The following ANAPC10 variants were observed in gnomAD, a reference collection of about 807,000 sequenced individuals.
ANAPC10 encodes the protein anaphase promoting complex subunit 10, also known as anaphase-promoting complex subunit 10.
ANAPC10 carries 12 observed loss-of-function variants against 22.0 expected under a neutral mutation model. The ratio of observed to expected loss-of-function variants is 0.55; its 90% CI spans 0.35 to 0.88. The LOEUF (loss-of-function observed/expected upper bound fraction) is 0.88, where lower values mean the gene tolerates loss of function less well. Among genes scored for constraint, ANAPC10 ranks in the 40% least tolerant of loss-of-function variants. The pLI, the probability that ANAPC10 is intolerant of heterozygous loss-of-function variation, is 0.01. For missense variants in ANAPC10, 188 were observed against 220.9 expected (o/e 0.85, Z 0.94); for synonymous variants, 65 against 69.5 (o/e 0.94, Z 0.32).
At chr4:145,038,404 T>C (rs1738948676) in intron 4 of ANAPC10, among the ~76,000 whole-genome samples, 1 of 152,124 alleles carries the variant, frequency 6.6e-6, no homozygotes, top group Admixed American at 6.5e-5. Flanking sequence ...TCCCAGCTAC[T>C]GGGGAGACTG....
chr4:145,022,870 T>G (rs1447849929), intron 4 of ANAPC10, among the ~76,000 whole-genome samples: 1 of 152,012 alleles, frequency 6.6e-6, no homozygotes, highest in Non-Finnish European at 1.5e-5. Flanking sequence ...AGTCATTCTT[T>G]TATGTATTTT....
intron 4 of ANAPC10, among the ~76,000 whole-genome samples, chr4:145,058,701 A>C (rs1395877091): frequency 6.6e-6 from 1 of 152,288 alleles, no homozygotes; most frequent in East Asian, 1.9e-4. Context: ...TAAGTTTCTA[A>C]AAAATATAGA....
At chr4:145,050,294 T>C (rs753849810) in intron 4 of ANAPC10, among the ~76,000 whole-genome samples, 1 of 152,240 alleles carries the variant, frequency 6.6e-6, no homozygotes, top group Non-Finnish European at 1.5e-5. Flanking sequence ...CTCTGAGCAG[T>C]AGGTCTTTAC....
At chr4:145,046,248 T>C (rs766168740) in intron 4 of ANAPC10, among the ~76,000 whole-genome samples, 9 of 152,120 alleles carry the variant, frequency 5.9e-5, no homozygotes, top group African/African-American at 7.2e-5. Flanking sequence ...TTAAGATGTA[T>C]ATAAATAACT....
intron 4 of ANAPC10, among the ~76,000 whole-genome samples, chr4:145,039,010 CAAAAAAAAAAAAAAAAAAAAA>C (rs58285791): frequency 1.6e-4 from 1 of 6,200 alleles, no homozygotes; most frequent in African/African-American, 1.4e-3. Flanking sequence ...AACAATGTCT[CAAAAAAAAAAAAAAAAAAAAA>C]AAAAAAAAAG....
chr4:145,025,332 GCCC>G (rs36048867), intron 4 of ANAPC10, among the ~76,000 whole-genome samples: 7 of 141,814 alleles, frequency 4.9e-5, no homozygotes, highest in African/African-American at 1.8e-4. Context: ...CTTTCAACAC[GCCC>G]CCCCCCCCTT....
At chr4:145,045,170 A>C (rs966735570) in intron 4 of ANAPC10, among the ~76,000 whole-genome samples, 5 of 152,090 alleles carry the variant, frequency 3.3e-5, no homozygotes, top group African/African-American at 9.7e-5. Context: ...TATTTTTTTA[A>C]AAACACACCC....
intron 4 of ANAPC10, among the ~76,000 whole-genome samples, chr4:145,038,188 T>C (rs1200672103): frequency 1.3e-5 from 2 of 151,730 alleles, no homozygotes; most frequent in Non-Finnish European, 2.9e-5. Context: ...AAATAAATAA[T>C]AGATAAAAGG....
intron 1 of ANAPC10, chr4:145,097,495 C>G (rs1238754347): frequency 1.6e-6 from 2 of 1,287,166 alleles, no homozygotes; most frequent in South Asian, 1.2e-5. Flanking sequence ...TTCTGCATAC[C>G]GTTTCCTTGA....
chr4:145,017,470 A>C (rs1333367833), intron 4 of ANAPC10, among the ~76,000 whole-genome samples: 3 of 152,208 alleles, frequency 2.0e-5, no homozygotes, highest in African/African-American at 7.2e-5. Flanking sequence ...TCAGGAAACA[A>C]CAGGTGCTGG....
chr4:145,049,429 A>G (rs1272054167), intron 4 of ANAPC10, among the ~76,000 whole-genome samples: 1 of 152,244 alleles, frequency 6.6e-6, no homozygotes, highest in Non-Finnish European at 1.5e-5. Context: ...AGATGATGCA[A>G]TATTCTAAAT....
At position 145,000,336 on chromosome 4, in the gene ANAPC10, A is replaced by C. The variant is rs560060908; in HGVS notation, c.328-4733T>G. Among the ~76,000 whole-genome samples the C allele has an allele frequency of 3.0e-4, 46 of 152,182 alleles. 1 individual carries two copies. Among genetic ancestry groups the C allele is most frequent in the Non-Finnish European group, 5.2e-4 (35 of 67,958 alleles). ...ACAGAGGGCTAATATCCAGAATCTAAAAAGAACTTAAACAAATTTACAAGA... is the reference window on the plus strand; with the variant it reads ...ACAGAGGGCTAATATCCAGAATCTACAAAGAACTTAAACAAATTTACAAGA... On this transcript the variant is annotated intron_variant, in intron 4 of 4. Coordinates refer to ENST00000507656, the MANE Select transcript of ANAPC10 (RefSeq NM_001256706.2).
intron 2 of ANAPC10, 105 bp downstream of exon 2, chr4:145,095,880 T>A (rs893883616): frequency 3.4e-6 from 5 of 1,473,830 alleles, no homozygotes; most frequent in Non-Finnish European, 3.8e-6. Context: ...GTTTTAGGCA[T>A]CCACTGGGAG....
chr4:145,011,011 C>G (rs549230262), intron 4 of ANAPC10, among the ~76,000 whole-genome samples: 137 of 152,156 alleles, frequency 9.0e-4, no homozygotes, highest in African/African-American at 3.1e-3. Flanking sequence ...TGAAGAAGGT[C>G]TGGACTTTTA....
rs141941364 is a variant in ANAPC10, at chr4:145,033,536, G to A, written c.327+31036C>T. 1.2e-3 allele frequency among the ~76,000 whole-genome samples: 178 copies of A among 152,278 alleles called. 3 individuals are homozygous for A. The East Asian group carries it at 0.028, about 24-fold the overall frequency. ...TGAAATCAGTCTACTACTCCACAAT[G>A]GAAGTAAGGAAGAATATGCATGGAA... On this transcript the variant is annotated intron_variant, in intron 4 of 4. Transcript: ENST00000507656.
rs1379931181 is a variant in ANAPC10 at position 145,095,743 on chromosome 4, T to C, written c.115+242A>G. 2.6e-5 allele frequency among the ~76,000 whole-genome samples: 4 copies of C among 152,222 alleles called. No individual in the cohort carries two copies. The East Asian group carries it at 5.8e-4, about 22-fold the overall frequency. On this transcript the variant is annotated intron_variant, in intron 2 of 4. Coordinates refer to ENST00000507656, the MANE Select transcript of ANAPC10 (RefSeq NM_001256706.2). ...TTTATTACTTCTATTGTTATAATTG[T>C]TCTATTTTATTATTAATTATTGTTA...
intron 4 of ANAPC10, among the ~76,000 whole-genome samples, chr4:145,003,186 G>C (rs1357551425): frequency 6.6e-6 from 1 of 152,000 alleles, no homozygotes; most frequent in African/African-American, 2.4e-5. Flanking sequence ...TGCTGTAAAG[G>C]GCATGATCTC....
chr4:145,078,289 A>T (rs957618635), intron 3 of ANAPC10, among the ~76,000 whole-genome samples: 2 of 152,162 alleles, frequency 1.3e-5, no homozygotes, highest in African/African-American at 2.4e-5. Context: ...CAAAAAAAAA[A>T]ATAAAACACC....
At chr4:145,033,145 G>C (rs1357370792) in intron 4 of ANAPC10, 6 of 152,130 alleles carry the variant, frequency 3.9e-5, no homozygotes, top group Admixed American at 3.9e-4. Flanking sequence ...TTGCAGGACT[G>C]GGGCAAAGTT....
Sources: allele counts gnomAD v4.1 joint callset (sites outside exome capture counted in the v4.1 genomes callset), GRCh38; gene constraint gnomAD v4.1.1; transcripts MANE v1.5; gene names NCBI Gene and HGNC (gene_info 2026-07-23, HGNC 2026-07-21).